SLC44A5: variants seen among roughly 807,000 people sequenced by gnomAD.
The protein encoded by SLC44A5 is solute carrier family 44 member 5.
In SLC44A5, 57 loss-of-function variants were observed where a neutral mutation model predicts 101.8. The observed-to-expected ratio is 0.56, with a 90% CI of 0.45 to 0.70. The LOEUF is 0.70. Ranked by LOEUF, SLC44A5 falls within the 30% of genes least tolerant of loss-of-function variation. The pLI is 0.00. For missense variants in SLC44A5, 737 were observed against 853.1 expected (o/e 0.86, Z 1.70); for synonymous variants, 281 against 290.9 (o/e 0.97, Z 0.35).
At chr1:75,311,214 T>C (rs1462577192) in intron 4 of SLC44A5, among the ~76,000 whole-genome samples, 1 of 152,014 alleles carries the variant, frequency 6.6e-6, no homozygotes, top group Non-Finnish European at 1.5e-5. Flanking sequence ...TTTCCCAGGT[T>C]CAAGCGATTC....
rs566667982 is a variant in SLC44A5 at position 75,487,964 on chromosome 1, T to C, written c.13+53471A>G. Among the ~76,000 whole-genome samples, 14 of 152,272 alleles carry C rather than the reference T, an allele frequency of 9.2e-5. No homozygotes were observed. The East Asian group carries it at 2.7e-3, about 29-fold the overall frequency. On this transcript the variant is annotated intron_variant, in intron 2 of 23. Coordinates refer to ENST00000370859, the MANE Select transcript of SLC44A5 (RefSeq NM_001130058.2). ...GCTCTGCCTCCTGTCAGATTGGCAG[T>C]GGCATTAGATTCCCATAGGAGTGCA...
In SLC44A5 at chr1:75,287,426, C is replaced by CTTTTTTTTTTTTTTTTTTTTTTT. The variant is rs371647505; in HGVS notation, c.176-12407_176-12385dup. ...AGCTTAATAATTGACCTTCTGAATT[C>CTTTTTTTTTTTTTTTTTTTTTTT]TTTTTTTTTTTTTTTTTTTTTTTGG... On this transcript the variant is annotated intron_variant, in intron 5 of 23. Transcript: ENST00000370859. Among the ~76,000 whole-genome samples the CTTTTTTTTTTTTTTTTTTTTTTT allele has an allele frequency of 5.7e-5, 4 of 69,910 alleles. 1 individual carries two copies. The highest frequency in any genetic ancestry group is 1.2e-4 in the African/African-American group (2 of 16,666). The allele number at this position is 69,910 out of a possible 152,430, so 45.9% of individuals were successfully genotyped here.
chr1:75,473,879 G>T (rs1196282630), intron 2 of SLC44A5, among the ~76,000 whole-genome samples: 1 of 152,102 alleles, frequency 6.6e-6, no homozygotes, highest in Non-Finnish European at 1.5e-5. Flanking sequence ...TTAGTACTAA[G>T]TAATATAATG....
intron 3 of SLC44A5, among the ~76,000 whole-genome samples, chr1:75,394,017 G>A (rs1223571573): frequency 2.6e-5 from 4 of 152,094 alleles, no homozygotes; most frequent in Admixed American, 2.0e-4. Context: ...CACATTCATG[G>A]TATTTAAAAC....
At chr1:75,435,507 G>A (rs919115936) in intron 2 of SLC44A5, among the ~76,000 whole-genome samples, 1 of 151,998 alleles carries the variant, frequency 6.6e-6, no homozygotes, top group African/African-American at 2.4e-5. Flanking sequence ...TACACCAAAA[G>A]GATACTCCAA....
At chr1:75,373,181 A>C (rs1420764257) in intron 3 of SLC44A5, among the ~76,000 whole-genome samples, 1 of 152,168 alleles carries the variant, frequency 6.6e-6, no homozygotes, top group Non-Finnish European at 1.5e-5. Context: ...CAGAAACCAA[A>C]ATGTAGAGTA....
intron 4 of SLC44A5, among the ~76,000 whole-genome samples, chr1:75,307,680 G>A (rs547273530): frequency 2.1e-3 from 315 of 152,318 alleles, no homozygotes; most frequent in Non-Finnish European, 3.5e-3. Flanking sequence ...GCGTTTGAAA[G>A]CATTAATTGT....
chr1:75,656,120 A>G, the SLC44A5 span, among the ~76,000 whole-genome samples: 1 of 152,126 alleles, frequency 6.6e-6, no homozygotes, highest in African/African-American at 2.4e-5. Context: ...CAAAGTGCTG[A>G]AGGGAAAAAC....
intron 2 of SLC44A5, among the ~76,000 whole-genome samples, chr1:75,463,291 G>A (rs1366362810): frequency 3.3e-5 from 5 of 151,838 alleles, no homozygotes; most frequent in Non-Finnish European, 7.4e-5. Flanking sequence ...GCGGTGGCAG[G>A]CGCCTGTAGT....
At chr1:75,564,290 A>G (rs1398822473) in intron 1 of SLC44A5, among the ~76,000 whole-genome samples, 1 of 152,152 alleles carries the variant, frequency 6.6e-6, no homozygotes, top group Admixed American at 6.5e-5. Context: ...AGCATTCTTA[A>G]TTTATGTCGA....
the SLC44A5 span, among the ~76,000 whole-genome samples, chr1:75,639,981 A>G: frequency 1.3e-5 from 2 of 152,056 alleles, no homozygotes; most frequent in African/African-American, 2.4e-5. Context: ...CTTATGATCT[A>G]TAATTGCTTT....
upstream of SLC44A5, among the ~76,000 whole-genome samples, chr1:75,612,820 G>A (rs533350428): frequency 6.6e-6 from 1 of 152,124 alleles, no homozygotes; most frequent in Non-Finnish European, 1.5e-5. Context: ...GAAAAGGCAG[G>A]GGTGGGGGTG....
intron 9 of SLC44A5, among the ~76,000 whole-genome samples, chr1:75,241,695 C>G (rs1002701754): frequency 2.0e-5 from 3 of 152,002 alleles, no homozygotes; most frequent in Non-Finnish European, 4.4e-5. Context: ...ATGAGCATAT[C>G]TGTGTGTGTG....
chr1:75,348,853 A>G (rs1658437080), intron 3 of SLC44A5, among the ~76,000 whole-genome samples: 1 of 152,256 alleles, frequency 6.6e-6, no homozygotes, highest in African/African-American at 2.4e-5. Context: ...AATGTGAAGA[A>G]CTATAAAGTT....
At chr1:75,559,247 C>T (rs577238171) in intron 1 of SLC44A5, among the ~76,000 whole-genome samples, 1 of 151,940 alleles carries the variant, frequency 6.6e-6, no homozygotes, top group East Asian at 1.9e-4. Flanking sequence ...AATAGGAAAT[C>T]ATGATGAGCA....
At chr1:75,573,115 A>G (rs1282078410) in intron 1 of SLC44A5, among the ~76,000 whole-genome samples, 1 of 134,184 alleles carries the variant, frequency 7.5e-6, no homozygotes, top group African/African-American at 3.0e-5. Context: ...GCGACAGAGC[A>G]AGGCTCCATC....
At chr1:75,282,065 ACACT>A in intron 5 of SLC44A5, among the ~76,000 whole-genome samples, 1 of 152,322 alleles carries the variant, frequency 6.6e-6, no homozygotes, top group Admixed American at 6.5e-5. Context: ...AAAGCCACAG[ACACT>A]CAATGCCAGC....
intron 6 of SLC44A5, among the ~76,000 whole-genome samples, chr1:75,269,657 T>C (rs1244521507): frequency 1.3e-5 from 2 of 152,176 alleles, no homozygotes; most frequent in East Asian, 1.9e-4. Flanking sequence ...TATTTAATAA[T>C]CATCTTTCTG....
intron 6 of SLC44A5, among the ~76,000 whole-genome samples, chr1:75,254,421 A>T (rs1295635286): frequency 6.6e-6 from 1 of 152,168 alleles, no homozygotes; most frequent in Non-Finnish European, 1.5e-5. Context: ...GAAGTAACTC[A>T]TAATTTAACT....
Sources: allele counts gnomAD v4.1 joint callset (sites outside exome capture counted in the v4.1 genomes callset), GRCh38; gene constraint gnomAD v4.1.1; transcripts MANE v1.5; gene names NCBI Gene and HGNC (gene_info 2026-07-23, HGNC 2026-07-21).